Variants in ITIH5 observed in about 807,000 individuals in gnomAD.
ITIH5 encodes inter-alpha-trypsin inhibitor heavy chain 5.
Under a neutral mutation model 77.5 loss-of-function variants are expected in ITIH5, and 65 were observed. That is an observed-to-expected ratio of 0.84 (90% CI 0.69 to 1.03). The LOEUF (loss-of-function observed/expected upper bound fraction) is 1.03, where lower values mean the gene tolerates loss of function less well. ITIH5 is among the 50% of genes least tolerant of loss of function. ITIH5 has a pLI of 0.00. For missense variants in ITIH5, 1,208 were observed against 1,213.1 expected, an observed-to-expected ratio of 1.00 and a Z score of 0.06; for synonymous variants, 525 against 494.3, an observed-to-expected ratio of 1.06 and a Z score of -0.82.
intron 8 of ITIH5, among the ~76,000 whole-genome samples, chr10:7,582,230 T>G (rs1356784131): frequency 6.6e-6 from 1 of 152,152 alleles, no homozygotes; most frequent in African/African-American, 2.4e-5. Flanking sequence ...AATTTAAGTT[T>G]GGGAGCAAAA....
intron 5 of ITIH5, among the ~76,000 whole-genome samples, chr10:7,630,943 G>A (rs557952379): frequency 7.9e-5 from 12 of 151,712 alleles, no homozygotes; most frequent in South Asian, 4.2e-4. Flanking sequence ...TTAGGTTAGC[G>A]CAAGGTCTTG....
chr10:7,576,538 A>G lies in ITIH5; in HGVS notation c.1893T>C (p.Asp631=), dbSNP rs2275068. Residue 631 remains aspartate (D), a synonymous_variant, in exon 10 of 14, where the codon GAT becomes GAC. Coordinates refer to ENST00000397146, the MANE Select transcript of ITIH5 (RefSeq NM_030569.7). ...MKLRGPVPRM[D]GLEEAHGMSA... is the part of the protein sequence containing the mutation. ...ACATGCCGTGGGCCTCCTCCAGGCC[A>G]TCCATGCGTGGGACCGGCCCCCTCA... The G allele has an allele frequency of 0.54, 875,487 of 1,612,620 alleles. 240,079 individuals carry two copies. Among genetic ancestry groups the G allele is most frequent in the East Asian group, 0.77 (34,508 of 44,846 alleles).
At chr10:7,643,558 C>A (rs1015416205) in intron 2 of ITIH5, among the ~76,000 whole-genome samples, 9 of 152,286 alleles carry the variant, frequency 5.9e-5, no homozygotes, top group South Asian at 4.1e-4. Flanking sequence ...GTGTGCTCAA[C>A]CCCCATGCTG....
intron 7 of ITIH5, among the ~76,000 whole-genome samples, chr10:7,606,872 T>C (rs1464916736): frequency 6.6e-6 from 1 of 152,246 alleles, no homozygotes; most frequent in Non-Finnish European, 1.5e-5. Flanking sequence ...AAATTATCTG[T>C]ATTATCATTG....
intron 4 of ITIH5, among the ~76,000 whole-genome samples, chr10:7,638,204 G>C (rs972960295): frequency 1.3e-5 from 2 of 152,190 alleles, no homozygotes; most frequent in African/African-American, 4.8e-5. Context: ...GAGAGTGCAG[G>C]CTCTGAATTC....
rs187840040 is a variant in ITIH5, at chr10:7,637,571, C to T, written c.402-93G>A. ...CCACAGGGCACCAGCCATACCCTCT[C>T]AACCAGCCTGCCAGGGAGACCCATG... is the stretch of plus-strand genomic sequence containing the variant. On this transcript the variant is annotated intron_variant, in intron 4 of 13. Coordinates refer to ENST00000397146, the MANE Select transcript of ITIH5 (RefSeq NM_030569.7). 6.0e-4 allele frequency: 778 copies of T among 1,300,354 alleles called. 12 individuals are homozygous for T. In the East Asian group the frequency reaches 0.015, roughly 25 times the overall value. The allele number at this position is 1,300,354 out of a possible 1,614,324, so 80.6% of individuals were successfully genotyped here.
At chr10:7,582,759 C>T (rs938670462) in intron 8 of ITIH5, among the ~76,000 whole-genome samples, 13 of 152,254 alleles carry the variant, frequency 8.5e-5, no homozygotes, top group African/African-American at 2.6e-4. Flanking sequence ...TTCCCATGTT[C>T]TCGCTTATTT....
At chr10:7,598,091 T>C (rs1212839529) in intron 7 of ITIH5, among the ~76,000 whole-genome samples, 1 of 152,092 alleles carries the variant, frequency 6.6e-6, no homozygotes, top group Non-Finnish European at 1.5e-5. Context: ...AGTGTAAGAG[T>C]GTAAGTAACA....
At chr10:7,597,004 C>T (rs553709143) in intron 7 of ITIH5, among the ~76,000 whole-genome samples, 2 of 128,784 alleles carry the variant, frequency 1.6e-5, no homozygotes, top group South Asian at 5.3e-4. Flanking sequence ...AGAGACCATG[C>T]CACTGCACTC....
In ITIH5 at chr10:7,617,126, A is replaced by G. The variant is rs148150251; in HGVS notation, c.809T>C (p.Ile270Thr). 2.1e-5 allele frequency: 33 copies of G among 1,565,486 alleles called. No individual in the cohort carries two copies. The highest frequency in any genetic ancestry group is 1.2e-4 in the East Asian group (5 of 42,252). ...CGATCCTATTACCTGGATGTCCCCA[A>G]TGCTCTGTTCTCTATTGACGTCATA... ...IRYDVNREQS[I>T]GDIQVLNGYF... The change falls in exon 6 of 14, where the codon ATT (isoleucine) becomes ACT (threonine). Residue 270 changes from isoleucine (I) to threonine (T), a missense_variant. Coordinates refer to ENST00000397146, the MANE Select transcript of ITIH5 (RefSeq NM_030569.7).
chr10:7,633,846 T>C (rs1432011044), intron 5 of ITIH5, among the ~76,000 whole-genome samples: 3 of 151,696 alleles, frequency 2.0e-5, no homozygotes, highest in Non-Finnish European at 2.9e-5. Flanking sequence ...TCCCAGCACT[T>C]TGGGAGGCCG....
chr10:7,582,068 G>T (rs927513872), intron 8 of ITIH5, among the ~76,000 whole-genome samples: 1 of 151,518 alleles, frequency 6.6e-6, no homozygotes, highest in Admixed American at 6.6e-5. Flanking sequence ...AGTAGAGACG[G>T]GTTTCACCAT....
At position 7,576,755 on chromosome 10, in the gene ITIH5, C is replaced by T; in HGVS notation, c.1676G>A (p.Ser559Asn). Residue 559 changes from serine (S) to asparagine (N), a missense_variant, in exon 10 of 14, where the codon AGC becomes AAC. Physicochemically the swap from Ser to Asn is conservative, Grantham distance 46 (BLOSUM62 1). Coordinates refer to ENST00000397146, the MANE Select transcript of ITIH5 (RefSeq NM_030569.7). ...PQKAGKDVTGSPRPGGDGEGD... is the reference protein window; with the variant it reads ...PQKAGKDVTGNPRPGGDGEGD... ...CTCTCCATCGCCTCCAGGCCTGGGG[C>T]TTCCTGTGACATCTTTCCCTGCCTT... 1 of 1,614,240 alleles carries T rather than the reference C, an allele frequency of 6.2e-7. No individual in the cohort carries two copies. Among genetic ancestry groups the T allele is most frequent in the South Asian group, 1.1e-5 (1 of 91,088 alleles).
chr10:7,585,962 T>C lies in ITIH5; in HGVS notation c.1047A>G (p.Ser349=). ...CATCCCTGATGCTGTCTGGAGTGAC[T>C]GATATCAAGTGGTCCTTCCATACTT... ...RIKVWKDHLI[S]VTPDSIRDGK... is the part of the protein sequence containing the mutation. The change falls in exon 8 of 14, where the codon TCA becomes TCG. Residue 349 remains serine, a synonymous_variant. Transcript: ENST00000397146. The C allele has an allele frequency of 6.2e-7, 1 of 1,614,112 alleles. No individual in the cohort carries two copies. Among genetic ancestry groups the C allele is most frequent in the African/African-American group, 1.3e-5 (1 of 75,036 alleles).
intron 7 of ITIH5, among the ~76,000 whole-genome samples, chr10:7,603,185 T>C (rs1833050492): frequency 6.6e-6 from 1 of 152,192 alleles, no homozygotes; most frequent in East Asian, 1.9e-4. Flanking sequence ...ACGCGTGGTA[T>C]ATCCATCTAA....
At chr10:7,612,284 T>G (rs1833262990) in intron 7 of ITIH5, among the ~76,000 whole-genome samples, 1 of 152,230 alleles carries the variant, frequency 6.6e-6, no homozygotes, top group Admixed American at 6.5e-5. Context: ...ATTAGCCATA[T>G]ATTAACTATG....
chr10:7,651,265 A>G (rs1834095783), intron 2 of ITIH5, among the ~76,000 whole-genome samples: 1 of 152,074 alleles, frequency 6.6e-6, no homozygotes, highest in African/African-American at 2.4e-5. Context: ...CCATAGCCAC[A>G]CATCCAACCA....
rs771365875 is a variant in ITIH5 at position 7,563,188 on chromosome 10, C to T, written c.2724G>A (p.Arg908=). 1 of 1,614,204 alleles carries T rather than the reference C, an allele frequency of 6.2e-7. No individual in the cohort carries two copies. The highest frequency in any genetic ancestry group is 1.1e-5 in the South Asian group (1 of 91,074). The change falls in exon 14 of 14, where the codon AGG becomes AGA. Residue 908 remains arginine, a synonymous_variant. Transcript: ENST00000397146. The stretch of plus-strand genomic sequence containing the variant: ...CGTCAATCAGTTTGGCGGCATTGTT[C>T]CTGGCAAACCAGCAGTCTATCTGCT... ...GEEQIDCWFA[R]NNAAKLIDGE...
At chr10:7,619,677 G>A (rs947837203) in intron 5 of ITIH5, 4 of 257,840 alleles carry the variant, frequency 1.6e-5, no homozygotes, top group Non-Finnish European at 3.4e-5. Flanking sequence ...GCGAGAGACA[G>A]AACTGGGAAG....
Sources: allele counts gnomAD v4.1 joint callset (sites outside exome capture counted in the v4.1 genomes callset), GRCh38; gene constraint gnomAD v4.1.1; transcripts MANE v1.5; gene names NCBI Gene and HGNC (gene_info 2026-07-23, HGNC 2026-07-21).